Variants in ROBO1 observed in about 807,000 individuals in gnomAD.
ROBO1 encodes roundabout homolog 1.
ROBO1 carries 149 observed loss-of-function variants against 195.9 expected under a neutral mutation model. The observed-to-expected ratio is 0.76, with a 90% CI of 0.67 to 0.87. The LOEUF (loss-of-function observed/expected upper bound fraction) is 0.87, where lower values mean the gene tolerates loss of function less well. Among genes scored for constraint, ROBO1 ranks in the 40% least tolerant of loss-of-function variants. The pLI, the probability that ROBO1 is intolerant of heterozygous loss-of-function variation, is 0.00. For missense variants in ROBO1, 1,933 were observed against 2,068.3 expected (o/e 0.93, Z 1.27); for synonymous variants, 816 against 733.2 (o/e 1.11, Z -1.82).
intron 2 of ROBO1, among the ~76,000 whole-genome samples, chr3:79,441,294 C>A (rs1043039942): frequency 3.3e-5 from 5 of 152,062 alleles, no homozygotes; most frequent in Non-Finnish European, 7.4e-5. Flanking sequence ...TCCTAAATAA[C>A]AGATCAGTGA....
chr3:78,711,390 C>T (rs3927223), intron 8 of ROBO1, among the ~76,000 whole-genome samples: 6,936 of 31,392 alleles, frequency 0.22, 647 homozygotes, highest in Middle Eastern at 0.25. Context: ...TTCCTTCCTT[C>T]CTTCCTTCCT....
intron 2 of ROBO1, among the ~76,000 whole-genome samples, chr3:79,203,321 T>C (rs887074826): frequency 2.0e-5 from 3 of 152,154 alleles, no homozygotes; most frequent in Non-Finnish European, 4.4e-5. Context: ...AGTGCCTGAA[T>C]TGGCACAACA....
chr3:79,629,313 T>C (rs776293034), intron 1 of ROBO1, among the ~76,000 whole-genome samples: 2 of 152,016 alleles, frequency 1.3e-5, no homozygotes, highest in Admixed American at 6.6e-5. Flanking sequence ...TCTCAGAACA[T>C]AGAATAATAA....
At chr3:79,205,159 A>T (rs967899885) in intron 2 of ROBO1, among the ~76,000 whole-genome samples, 4 of 151,656 alleles carry the variant, frequency 2.6e-5, no homozygotes, top group Admixed American at 6.6e-5. Context: ...TATCCGGTTA[A>T]TTTTTTCTAT....
chr3:79,455,676 T>G (rs115162460), intron 2 of ROBO1, among the ~76,000 whole-genome samples: 1,955 of 152,190 alleles, frequency 0.013, 36 homozygotes, highest in African/African-American at 0.043. Context: ...CCAAAGTCTG[T>G]GCCTAGAGAT....
At chr3:78,867,010 C>T (rs543493173) in intron 4 of ROBO1, among the ~76,000 whole-genome samples, 2 of 152,284 alleles carry the variant, frequency 1.3e-5, no homozygotes, top group Admixed American at 6.5e-5. Flanking sequence ...ATTTCCACTA[C>T]GTTTGCCATT....
In ROBO1 at chr3:78,742,286, C is replaced by T. The variant is rs534174469; in HGVS notation, c.657+4457G>A. On this transcript the variant is annotated intron_variant, in intron 5 of 30. Coordinates refer to ENST00000464233, the MANE Select transcript of ROBO1 (RefSeq NM_002941.4). ...TGCACTCAGCACATTTGGCAAAGTA[C>T]ATTAACAACAGAGATGAAAACACTC... 1.7e-4 allele frequency among the ~76,000 whole-genome samples: 26 copies of T among 152,058 alleles called. No individual in the cohort carries two copies. The South Asian group carries it at 4.2e-3, about 24-fold the overall frequency.
At chr3:78,714,010 A>G (rs1279344405) in intron 8 of ROBO1, among the ~76,000 whole-genome samples, 2 of 152,188 alleles carry the variant, frequency 1.3e-5, no homozygotes, top group Non-Finnish European at 2.9e-5. Context: ...AAGTAATGAA[A>G]GACTTGTTTT....
chr3:79,201,002 C>T (rs551055282), intron 2 of ROBO1, among the ~76,000 whole-genome samples: 1 of 151,754 alleles, frequency 6.6e-6, no homozygotes, highest in African/African-American at 2.4e-5. Flanking sequence ...ACAGCAAATT[C>T]CGGATCCTGT....
intron 2 of ROBO1, among the ~76,000 whole-genome samples, chr3:79,488,366 T>C (rs1165895404): frequency 6.6e-6 from 1 of 152,184 alleles, no homozygotes; most frequent in Non-Finnish European, 1.5e-5. Flanking sequence ...AGCACTTTAA[T>C]GGGTCATAAC....
At chr3:79,379,317 T>A (rs2036492208) in intron 2 of ROBO1, among the ~76,000 whole-genome samples, 1 of 152,190 alleles carries the variant, frequency 6.6e-6, no homozygotes, top group African/African-American at 2.4e-5. Flanking sequence ...CCTTGCTTCT[T>A]TGGGCTTGGT....
intron 2 of ROBO1, among the ~76,000 whole-genome samples, chr3:79,184,237 G>A (rs374824272): frequency 6.6e-5 from 10 of 152,260 alleles, no homozygotes; most frequent in Middle Eastern, 3.4e-3. Context: ...TCTACTGATC[G>A]TTAATGCTCT....
intron 2 of ROBO1, among the ~76,000 whole-genome samples, chr3:79,339,264 A>G (rs555697559): frequency 3.3e-5 from 5 of 152,186 alleles, no homozygotes; most frequent in Non-Finnish European, 7.3e-5. Flanking sequence ...TCAGCTCACA[A>G]TAGTCTTTTG....
At chr3:79,263,820 T>C (rs1428948010) in intron 2 of ROBO1, among the ~76,000 whole-genome samples, 3 of 152,108 alleles carry the variant, frequency 2.0e-5, no homozygotes, top group African/African-American at 7.2e-5. Context: ...ACAAATAGTT[T>C]ACTAACATCC....
intron 3 of ROBO1, among the ~76,000 whole-genome samples, chr3:78,957,374 T>C (rs2041102768): frequency 6.6e-6 from 1 of 151,348 alleles, no homozygotes; most frequent in East Asian, 1.9e-4. Context: ...TCTTTTCTTC[T>C]AGTTATTAAA....
At chr3:79,610,982 T>C (rs1409789462) in intron 1 of ROBO1, among the ~76,000 whole-genome samples, 1 of 152,036 alleles carries the variant, frequency 6.6e-6, no homozygotes, top group African/African-American at 2.4e-5. Flanking sequence ...TGCACAGTGA[T>C]TGGCTTATTA....
Position 78,880,824 on chromosome 3 carries a change from G to A in ROBO1, c.499+57777C>T, listed in dbSNP as rs971352139. ...CTATGTCCAGCTGGAAATAACTTCA[G>A]GCATTTTCAGCCCAAACCAGCTCTG... On this transcript the variant is annotated intron_variant, in intron 4 of 30. Coordinates refer to ENST00000464233, the MANE Select transcript of ROBO1 (RefSeq NM_002941.4). Among the ~76,000 whole-genome samples, 3 of 152,058 alleles carry A rather than the reference G, an allele frequency of 2.0e-5. No homozygotes were observed. The East Asian group carries it at 5.8e-4, about 29-fold the overall frequency.
intron 2 of ROBO1, among the ~76,000 whole-genome samples, chr3:79,294,172 G>A (rs2032443559): frequency 6.6e-6 from 1 of 151,740 alleles, no homozygotes; most frequent in Admixed American, 6.6e-5. Flanking sequence ...CAAAGCTGGA[G>A]GCATCATGCT....
chr3:78,684,685 C>T (rs1253613548), intron 10 of ROBO1, among the ~76,000 whole-genome samples: 2 of 151,526 alleles, frequency 1.3e-5, no homozygotes, highest in African/African-American at 2.4e-5. Flanking sequence ...GAAGACAACT[C>T]GATGGATTAA....
Sources: allele counts gnomAD v4.1 joint callset (sites outside exome capture counted in the v4.1 genomes callset), GRCh38; gene constraint gnomAD v4.1.1; transcripts MANE v1.5; gene names NCBI Gene and HGNC (gene_info 2026-07-23, HGNC 2026-07-21).